Variants in SLC25A48 observed in about 807,000 individuals in gnomAD.
SLC25A48 encodes the protein CTC-321K16.1.
In SLC25A48, 29 loss-of-function variants were observed where a neutral mutation model predicts 32.2. That is an observed-to-expected ratio of 0.90 (90% CI 0.67 to 1.23). The LOEUF is 1.23. SLC25A48 is among the 50% of genes most tolerant of loss of function. The probability of loss-of-function intolerance (pLI) is 0.00; values close to 1 mark genes in which losing one functional copy is unlikely to be tolerated. For synonymous variants in SLC25A48, 164 were observed against 172.3 expected (o/e 0.95, Z 0.38); for missense variants, 399 against 422.7 (o/e 0.94, Z 0.49).
chr5:135,760,134 GTTA>G (rs1158921053), intron 3 of SLC25A48, among the ~76,000 whole-genome samples: 1 of 152,058 alleles, frequency 6.6e-6, no homozygotes, highest in East Asian at 1.9e-4. Flanking sequence ...CCCGGCCCCT[GTTA>G]TTATATCATC....
At chr5:135,704,830 T>G (rs906418198) in intron 3 of SLC25A48, among the ~76,000 whole-genome samples, 2 of 152,216 alleles carry the variant, frequency 1.3e-5, no homozygotes, top group Non-Finnish European at 2.9e-5. Flanking sequence ...CTTAACTGAC[T>G]TTTCTGGACG....
At chr5:135,876,704 A>G (rs1762087334) in intron 6 of SLC25A48, among the ~76,000 whole-genome samples, 1 of 152,236 alleles carries the variant, frequency 6.6e-6, no homozygotes, top group African/African-American at 2.4e-5. Flanking sequence ...ATGTGTATGT[A>G]CATATCTATG....
At chr5:135,815,946 A>G (rs1175141295) in intron 4 of SLC25A48, among the ~76,000 whole-genome samples, 1 of 152,230 alleles carries the variant, frequency 6.6e-6, no homozygotes, top group Non-Finnish European at 1.5e-5. Flanking sequence ...TGAAGATACT[A>G]CCTGAGACTG....
intron 3 of SLC25A48, among the ~76,000 whole-genome samples, chr5:135,756,159 T>C (rs1161790050): frequency 6.6e-6 from 1 of 152,110 alleles, no homozygotes; most frequent in Non-Finnish European, 1.5e-5. Flanking sequence ...GTCAACACAC[T>C]ATGATATTAA....
In SLC25A48 at chr5:135,888,508, A is replaced by G. The variant is rs748295191; in HGVS notation, c.*484A>G. The stretch of plus-strand genomic sequence containing the variant: ...ACCCGTGGATCCTGAGGACAGCGGT[A>G]GCGCCTTCCTCACCGCACGCTGAGT... On this transcript the variant is annotated 3_prime_UTR_variant, in exon 8 of 8. Coordinates refer to ENST00000681962, the MANE Select transcript of SLC25A48 (RefSeq NM_001349336.2). The G allele has an allele frequency of 1.2e-5, 2 of 170,878 alleles. No individual in the cohort carries two copies. Among genetic ancestry groups the G allele is most frequent in the Non-Finnish European group, 2.5e-5 (2 of 79,454 alleles). The allele number at this position is 170,878 out of a possible 1,614,324, so 10.6% of individuals were successfully genotyped here.
At chr5:135,607,352 TCCATGCATGCATGCATGTGC>T (rs1407653049) in intron 1 of SLC25A48, among the ~76,000 whole-genome samples, 1 of 152,236 alleles carries the variant, frequency 6.6e-6, no homozygotes, top group Non-Finnish European at 1.5e-5. Context: ...CCAACTCATT[TCCATGCATGCATGCATGTGC>T]CCATGCATAC....
chr5:135,625,486 G>C (rs1752422188), intron 1 of SLC25A48, among the ~76,000 whole-genome samples: 1 of 152,144 alleles, frequency 6.6e-6, no homozygotes, highest in Non-Finnish European at 1.5e-5. Context: ...TCCACACCTA[G>C]ATGGCTGCAC....
At chr5:135,611,211 T>C (rs1486862100) in intron 1 of SLC25A48, among the ~76,000 whole-genome samples, 1 of 152,110 alleles carries the variant, frequency 6.6e-6, no homozygotes, top group Non-Finnish European at 1.5e-5. Context: ...AAAGAATGTT[T>C]TCTTAACACT....
intron 7 of SLC25A48, among the ~76,000 whole-genome samples, chr5:135,886,671 T>TGAGA (rs1445618459): frequency 1.0e-5 from 1 of 98,644 alleles, no homozygotes; most frequent in Non-Finnish European, 2.0e-5. Flanking sequence ...TGTGTGTGTG[T>TGAGA]GTGAGAGAGA....
intron 3 of SLC25A48, among the ~76,000 whole-genome samples, chr5:135,757,059 G>T (rs1373509117): frequency 1.3e-5 from 2 of 149,290 alleles, no homozygotes; most frequent in East Asian, 4.1e-4. Flanking sequence ...ATGATATCTA[G>T]TGTTAACACT....
rs1754877505 is a variant in SLC25A48, at chr5:135,718,825, T to C, written c.-521+83869T>C. Among the ~76,000 whole-genome samples, 4 of 151,954 alleles carry C rather than the reference T, an allele frequency of 2.6e-5. No individual in the cohort carries two copies. The South Asian group carries it at 8.3e-4, about 32-fold the overall frequency. On this transcript the variant is annotated intron_variant, in intron 3 of 10. Transcript: ENST00000646290. Reference sequence around the variant, plus strand: ...GAAATCTTAGAGCACAGATGAGTAGTTGCCAGAGGTGAGGGGTGGGAGGGA... The same window carrying C: ...GAAATCTTAGAGCACAGATGAGTAGCTGCCAGAGGTGAGGGGTGGGAGGGA...
intron 3 of SLC25A48, among the ~76,000 whole-genome samples, chr5:135,680,661 C>T (rs139846035): frequency 0.02 from 3,053 of 152,242 alleles, 46 homozygotes; most frequent in Non-Finnish European, 0.028. Flanking sequence ...TTTTATAAAA[C>T]CATCAGATCT....
intron 1 of SLC25A48, among the ~76,000 whole-genome samples, chr5:135,605,798 A>T (rs2126887113): frequency 6.6e-6 from 1 of 152,340 alleles, no homozygotes; most frequent in East Asian, 1.9e-4. Context: ...ACAGTACCAG[A>T]TATGAGCAGA....
chr5:135,852,590 T>C lies in SLC25A48; in HGVS notation c.190T>C (p.Phe64Leu). The change falls in exon 4 of 8, where the codon TTC (phenylalanine) becomes CTC (leucine). Residue 64 changes from phenylalanine (F) to leucine (L), a missense_variant. By Grantham distance (22) the Phe-to-Leu change is conservative. Transcript: ENST00000681962. Reference sequence around the variant, plus strand: ...GTTCGGCTTCTTCAAGGGCATGTCCTTCCCCCTCGCCAGCATTGCCGTCTA... The same window carrying C: ...GTTCGGCTTCTTCAAGGGCATGTCCCTCCCCCTCGCCAGCATTGCCGTCTA... The part of the protein sequence containing the change: ...SMFGFFKGMS[F>L]PLASIAVYNS... The C allele has an allele frequency of 6.2e-7, 1 of 1,601,428 alleles. No homozygotes were observed. The highest frequency in any genetic ancestry group is 8.6e-7 in the Non-Finnish European group (1 of 1,169,284).
At chr5:135,791,863 G>A (rs942735448) in intron 3 of SLC25A48, among the ~76,000 whole-genome samples, 1 of 151,396 alleles carries the variant, frequency 6.6e-6, no homozygotes, top group Non-Finnish European at 1.5e-5. Context: ...TTTTCTAGAG[G>A]TTTGTTACTT....
At chr5:135,788,075 G>A (rs966498809) in intron 3 of SLC25A48, among the ~76,000 whole-genome samples, 3 of 151,768 alleles carry the variant, frequency 2.0e-5, no homozygotes, top group South Asian at 2.1e-4. Context: ...CCGCTATATG[G>A]TTAGTAATAT....
intron 3 of SLC25A48, among the ~76,000 whole-genome samples, chr5:135,851,041 C>A (rs1759813189): frequency 6.6e-6 from 1 of 152,154 alleles, no homozygotes; most frequent in African/African-American, 2.4e-5. Flanking sequence ...CTTTCTGAGG[C>A]CCCTCTTTGT....
intron 3 of SLC25A48, among the ~76,000 whole-genome samples, chr5:135,718,847 G>A (rs1304603478): frequency 6.6e-6 from 1 of 152,036 alleles, no homozygotes; most frequent in East Asian, 1.9e-4. Flanking sequence ...AGGGGTGGGA[G>A]GGAAGTGGAT....
At chr5:135,831,575 G>A (rs1319687688), upstream of SLC25A48, among the ~76,000 whole-genome samples, 1 of 152,242 alleles carries the variant, frequency 6.6e-6, no homozygotes, top group Non-Finnish European at 1.5e-5. Context: ...GGTGACAGCT[G>A]AACTGAGTCT....
Sources: gnomAD v4.1 joint callset for allele counts (sites outside exome capture counted in the v4.1 genomes callset) on GRCh38, gnomAD v4.1.1 for gene constraint, MANE v1.5 for transcripts, NCBI Gene and HGNC (gene_info 2026-07-23, HGNC 2026-07-21) for gene names.